The following UPF3B variants were observed in gnomAD, a reference collection of about 807,000 sequenced individuals.
UPF3B encodes the protein regulator of nonsense transcripts 3B.
A neutral mutation model predicts 40.3 loss-of-function variants in UPF3B; 7 were observed. That is an observed-to-expected ratio of 0.17 (90% CI 0.10 to 0.33). The LOEUF is 0.33. UPF3B is among the 10% of genes least tolerant of loss of function. UPF3B has a pLI of 1.00. For missense variants in UPF3B, 229 were observed against 358.9 expected, an observed-to-expected ratio of 0.64 and a Z score of 2.93; for synonymous variants, 117 against 117.3, an observed-to-expected ratio of 1.00 and a Z score of 0.01.
At chrX:119,837,213 A>G (rs189178787) in intron 10 of UPF3B, among the ~76,000 whole-genome samples, 5,843 of 108,640 alleles carry the variant, frequency 0.054, 343 homozygotes, top group African/African-American at 0.18. Context: ...CCAAAGTGCT[A>G]GGATTACAGG....
At chrX:119,810,451 A>C (rs1332715053) in intron 5 of UPF3B, among the ~76,000 whole-genome samples, 3 of 112,248 alleles carry the variant, frequency 2.7e-5, no homozygotes, top group Non-Finnish European at 3.8e-5. Flanking sequence ...ATGGCTCCGA[A>C]GATGTGGAAG....
rs777511821 is a variant in UPF3B, at chrX:119,825,935, G to C, written c.393-2892C>G. On this transcript the variant is annotated intron_variant, in intron 3 of 6. Transcript: ENST00000636792. ...GCACTCTGGGAGGTCAAGGCAAGTG[G>C]ATCACTTGAGGTCCAGAGTTTGAGA... Among the ~76,000 whole-genome samples the C allele has an allele frequency of 9.0e-5, 10 of 111,582 alleles. No individual in the cohort carries two copies. The Admixed American group carries it at 9.6e-4, about 11-fold the overall frequency.
chrX:119,828,723 ATTCT>A (rs1430916860), intron 3 of UPF3B, among the ~76,000 whole-genome samples: 2 of 108,286 alleles, frequency 1.8e-5, no homozygotes, highest in Non-Finnish European at 3.8e-5. Flanking sequence ...ATCATGATTC[ATTCT>A]TTCTTTTTTT....
chrX:119,809,213 G>A (rs1376253785), intron 5 of UPF3B, among the ~76,000 whole-genome samples: 1 of 110,503 alleles, frequency 9.0e-6, no homozygotes, highest in Admixed American at 9.7e-5. Flanking sequence ...CAGATCTGGT[G>A]TGACTCACTC....
At chrX:119,813,280 G>A (rs1439770424) in intron 5 of UPF3B, among the ~76,000 whole-genome samples, 1 of 110,944 alleles carries the variant, frequency 9.0e-6, no homozygotes, top group Non-Finnish European at 1.9e-5. Context: ...AGTGTTGTAG[G>A]TGGGTCCTGG....
chrX:119,820,705 G>A (rs2055908829), intron 4 of UPF3B, among the ~76,000 whole-genome samples: 1 of 109,343 alleles, frequency 9.1e-6, no homozygotes, highest in Admixed American at 9.8e-5. Context: ...CTGACCTCAG[G>A]TGATCCAACC....
intron 5 of UPF3B, among the ~76,000 whole-genome samples, chrX:119,842,916 T>G (rs966990804): frequency 6.2e-5 from 7 of 112,321 alleles, no homozygotes; most frequent in African/African-American, 2.3e-4. Flanking sequence ...CAATTGACCT[T>G]CAAAGGCTTA....
intron 4 of UPF3B, among the ~76,000 whole-genome samples, chrX:119,844,040 G>A (rs2056197343): frequency 9.0e-6 from 1 of 111,448 alleles, no homozygotes; most frequent in Admixed American, 9.6e-5. Context: ...TTCAGTTCTT[G>A]TATTTCTTTC....
At chrX:119,848,558 T>TAC in intron 3 of UPF3B, among the ~76,000 whole-genome samples, 2 of 111,571 alleles carry the variant, frequency 1.8e-5, no homozygotes, top group South Asian at 7.4e-4. Flanking sequence ...AGTGTGAATA[T>TAC]ACCTTAATGC....
rs1194596884 is a variant in UPF3B at position 119,834,954 on chromosome X, G to A, written c.1376C>T (p.Thr459Ile). ...RNRLCPPDDS[T>I]KSGDSAAERK... ...TTCTGCTGCTGAATCTCCAGACTTG[G>A]TGCTGTCATCAGGGGGACAGAGTCG... is the stretch of plus-strand genomic sequence containing the variant. The change falls in exon 11 of 11, where the codon ACC (threonine) becomes ATC (isoleucine). Residue 459 changes from threonine to isoleucine, a missense_variant. By Grantham distance (89) the Thr-to-Ile change is moderately conservative (BLOSUM62 -1). This residue lies in a region of UPF3B where 119 missense variants were observed against 153.8 expected (regional missense o/e 0.77). Coordinates refer to ENST00000276201, the MANE Select transcript of UPF3B (RefSeq NM_080632.3). 10 of 1,211,891 alleles carry A rather than the reference G, an allele frequency of 8.3e-6. No homozygotes were observed. The highest frequency in any genetic ancestry group is 1.0e-5 in the Non-Finnish European group (9 of 895,563).
intron 3 of UPF3B, among the ~76,000 whole-genome samples, chrX:119,824,850 G>A (rs777688136): frequency 4.3e-5 from 4 of 93,883 alleles, no homozygotes; most frequent in Admixed American, 1.3e-4. Flanking sequence ...CACTGCAACC[G>A]CCGCCTCCTG....
At chrX:119,824,929 G>A in intron 3 of UPF3B, among the ~76,000 whole-genome samples, 1 of 109,224 alleles carries the variant, frequency 9.2e-6, no homozygotes, top group Admixed American at 9.9e-5. Flanking sequence ...ACCATGCCCG[G>A]CTAATTTTTC....
chrX:119,832,393 G>C (rs1336188254), downstream of UPF3B, among the ~76,000 whole-genome samples: 1 of 111,511 alleles, frequency 9.0e-6, no homozygotes, highest in Non-Finnish European at 1.9e-5. Context: ...AGAGTAGCTG[G>C]GATTACAGGT....
At chrX:119,823,130 T>C (rs1261103030) in intron 3 of UPF3B, 10 of 413,381 alleles carry the variant, frequency 2.4e-5, no homozygotes, top group Non-Finnish European at 2.7e-5. Flanking sequence ...TATATTAATA[T>C]ATACTAAAGC....
At chrX:119,844,200 G>A (rs151217354) in intron 4 of UPF3B, among the ~76,000 whole-genome samples, 4,159 of 110,348 alleles carry the variant, frequency 0.038, 169 homozygotes, top group African/African-American at 0.13. Flanking sequence ...ACAGGTGCCC[G>A]CCACCATGCC....
chrX:119,831,454 G>A (rs2056035810), downstream of UPF3B, among the ~76,000 whole-genome samples: 1 of 110,786 alleles, frequency 9.0e-6, no homozygotes, highest in African/African-American at 3.3e-5. Context: ...AAGTAGCTGG[G>A]ACTACAGGCA....
At chrX:119,847,388 A>G (rs970219234) in intron 3 of UPF3B, among the ~76,000 whole-genome samples, 6 of 110,582 alleles carry the variant, frequency 5.4e-5, no homozygotes, top group Non-Finnish European at 1.1e-4. Context: ...TGGAGGTTGC[A>G]ATGAGGGAAG....
At chrX:119,842,040 TTAAG>T (rs1360967576) in intron 5 of UPF3B, among the ~76,000 whole-genome samples, 1 of 112,093 alleles carries the variant, frequency 8.9e-6, no homozygotes, top group Non-Finnish European at 1.9e-5. Context: ...CTGATGAGAA[TTAAG>T]TACTTAGGAC....
chrX:119,848,882 T>G (rs534341688), intron 3 of UPF3B, among the ~76,000 whole-genome samples: 1 of 111,732 alleles, frequency 8.9e-6, no homozygotes. Context: ...GAAAACATTC[T>G]GGAATTAGTA....
Sources: gnomAD v4.1 joint callset for allele counts (sites outside exome capture counted in the v4.1 genomes callset) on GRCh38, gnomAD v4.1.1 for gene constraint, gnomAD v4.1.1 regional missense constraint, MANE v1.5 for transcripts, NCBI Gene and HGNC (gene_info 2026-07-23, HGNC 2026-07-21) for gene names.